Variants in OSBPL1A observed in about 807,000 individuals in gnomAD.
OSBPL1A encodes the protein oxysterol-binding protein-related protein 1.
A neutral mutation model predicts 137.1 loss-of-function variants in OSBPL1A; 80 were observed. The ratio of observed to expected loss-of-function variants is 0.58; its 90% CI spans 0.49 to 0.70. The LOEUF (loss-of-function observed/expected upper bound fraction) is 0.70, where lower values mean the gene tolerates loss of function less well. Ranked by LOEUF, OSBPL1A falls within the 30% of genes least tolerant of loss-of-function variation. The probability of loss-of-function intolerance (pLI) is 0.00; values close to 1 mark genes in which losing one functional copy is unlikely to be tolerated. For missense variants in OSBPL1A, 970 were observed against 1,129.4 expected, an observed-to-expected ratio of 0.86 and a Z score of 2.02; for synonymous variants, 365 against 389.7, an observed-to-expected ratio of 0.94 and a Z score of 0.75.
intron 21 of OSBPL1A, among the ~76,000 whole-genome samples, chr18:24,174,786 T>C (rs1272978522): frequency 6.6e-6 from 1 of 152,058 alleles, no homozygotes; most frequent in Non-Finnish European, 1.5e-5. Context: ...TATTTATTTT[T>C]TTTTAGAGAT....
At chr18:24,217,800 G>A (rs1487055478) in intron 17 of OSBPL1A, among the ~76,000 whole-genome samples, 2 of 152,138 alleles carry the variant, frequency 1.3e-5, no homozygotes, top group African/African-American at 4.8e-5. Context: ...TCTGATTGAT[G>A]TCATAGGAAG....
rs1191695743 is a variant in OSBPL1A, at chr18:24,163,208, T to A, written c.2824A>T (p.Asn942Tyr). 1 of 1,612,954 alleles carries A rather than the reference T, an allele frequency of 6.2e-7. No individual in the cohort carries two copies. The highest frequency in any genetic ancestry group is 2.2e-5 in the East Asian group (1 of 44,844). Reference sequence around the variant, plus strand: ...TAAATGTCAGGCAAATTGAAGTAATTTCTGTCCCAGTAGCTGCCAGAGTAA... The same window carrying A: ...TAAATGTCAGGCAAATTGAAGTAATATCTGTCCCAGTAGCTGCCAGAGTAA... The part of the protein sequence containing the change: ...WIYSGSYWDR[N>Y]YFNLPDIY Residue 942 changes from asparagine (N) to tyrosine (Y), a missense_variant, in exon 28 of 28, where the codon AAT (asparagine) becomes TAT (tyrosine). Around this residue, in one of 2 missense-constraint regions of OSBPL1A, gnomAD observed 323 missense variants for 456.8 expected, o/e 0.71. Coordinates refer to ENST00000319481, the MANE Select transcript of OSBPL1A (RefSeq NM_080597.4).
intron 16 of OSBPL1A, among the ~76,000 whole-genome samples, chr18:24,236,091 A>G (rs1323177130): frequency 2.6e-5 from 4 of 152,170 alleles, no homozygotes; most frequent in African/African-American, 9.7e-5. Context: ...CCCTGTGGAC[A>G]CCTTGATGTT....
intron 7 of OSBPL1A, among the ~76,000 whole-genome samples, chr18:24,319,050 A>G (rs2090793202): frequency 6.6e-6 from 1 of 152,242 alleles, no homozygotes; most frequent in Non-Finnish European, 1.5e-5. Context: ...GAACTCATAA[A>G]TTTGTGGCTT....
intron 15 of OSBPL1A, among the ~76,000 whole-genome samples, chr18:24,245,097 A>ATT (rs879776193): frequency 6.8e-6 from 1 of 147,924 alleles, no homozygotes; most frequent in Non-Finnish European, 1.5e-5. Context: ...AAATATTAGA[A>ATT]TTTTTTTTTT....
intron 4 of OSBPL1A, chr18:24,358,501 T>C (rs1351885715): frequency 1.4e-6 from 1 of 702,394 alleles, no homozygotes. Flanking sequence ...TCAGCTTCCC[T>C]GAGAACAGAT....
chr18:24,237,764 G>A (rs970920178), intron 16 of OSBPL1A, among the ~76,000 whole-genome samples: 10 of 152,180 alleles, frequency 6.6e-5, no homozygotes, highest in African/African-American at 1.9e-4. Context: ...CCTGGCACAA[G>A]GTGGACGTGT....
intron 15 of OSBPL1A, among the ~76,000 whole-genome samples, chr18:24,269,689 T>G (rs1391507916): frequency 6.6e-6 from 1 of 152,166 alleles, no homozygotes; most frequent in Non-Finnish European, 1.5e-5. Context: ...ATATAACTCA[T>G]GCAAAATTAA....
At chr18:24,383,748 G>A (rs1436979056) in intron 1 of OSBPL1A, among the ~76,000 whole-genome samples, 4 of 152,216 alleles carry the variant, frequency 2.6e-5, no homozygotes, top group Middle Eastern at 3.4e-3. Context: ...GCAAGACTCC[G>A]TCTCAAAAAA....
At chr18:24,201,744 C>T (rs1260307083) in intron 17 of OSBPL1A, among the ~76,000 whole-genome samples, 2 of 151,362 alleles carry the variant, frequency 1.3e-5, no homozygotes, top group Non-Finnish European at 2.9e-5. Context: ...ACCTGGGCAA[C>T]AGACCAAGAG....
chr18:24,235,345 A>G (rs1033666237), intron 16 of OSBPL1A, among the ~76,000 whole-genome samples: 2 of 152,210 alleles, frequency 1.3e-5, no homozygotes, highest in Non-Finnish European at 2.9e-5. Context: ...AATTCTTTGC[A>G]ATGATCCTAT....
intron 15 of OSBPL1A, among the ~76,000 whole-genome samples, chr18:24,249,722 C>T (rs536182077): frequency 6.6e-6 from 1 of 152,308 alleles, no homozygotes; most frequent in Non-Finnish European, 1.5e-5. Flanking sequence ...CCAGCCCTAG[C>T]CAGAGAATCA....
intron 9 of OSBPL1A, among the ~76,000 whole-genome samples, chr18:24,318,313 G>A (rs906545783): frequency 4.6e-5 from 7 of 151,828 alleles, no homozygotes; most frequent in Non-Finnish European, 5.9e-5. Flanking sequence ...GCACGGTGGC[G>A]GGCGCCTATA....
intron 15 of OSBPL1A, among the ~76,000 whole-genome samples, chr18:24,244,101 T>C (rs565985881): frequency 6.6e-6 from 1 of 152,334 alleles, no homozygotes; most frequent in Non-Finnish European, 1.5e-5. Flanking sequence ...TGCAACTTCA[T>C]AAAATATTCA....
intron 15 of OSBPL1A, among the ~76,000 whole-genome samples, chr18:24,240,373 A>G (rs917785666): frequency 3.3e-5 from 5 of 152,226 alleles, no homozygotes; most frequent in Non-Finnish European, 7.3e-5. Flanking sequence ...CTCCTGTCTA[A>G]TGCAGCAGTA....
intron 15 of OSBPL1A, among the ~76,000 whole-genome samples, chr18:24,278,984 C>T (rs1349986075): frequency 6.6e-6 from 1 of 151,990 alleles, no homozygotes; most frequent in Non-Finnish European, 1.5e-5. Flanking sequence ...ATTATGTTTT[C>T]CTGTGATAGT....
intron 18 of OSBPL1A, among the ~76,000 whole-genome samples, chr18:24,194,831 G>T (rs866332557): frequency 6.6e-6 from 1 of 152,198 alleles, no homozygotes; most frequent in South Asian, 2.1e-4. Context: ...GCCAGGAAGC[G>T]GGAGAGCGGG....
At chr18:24,375,909 G>T (rs999028763) in intron 2 of OSBPL1A, among the ~76,000 whole-genome samples, 6 of 152,082 alleles carry the variant, frequency 3.9e-5, no homozygotes, top group African/African-American at 1.4e-4. Flanking sequence ...GGACCCTCGC[G>T]GTGAGTGTTA....
intron 1 of OSBPL1A, among the ~76,000 whole-genome samples, chr18:24,395,792 T>C (rs893984656): frequency 2.6e-5 from 4 of 151,726 alleles, no homozygotes; most frequent in Non-Finnish European, 4.4e-5. Context: ...CGGCTAATTT[T>C]TGTATTTTTA....
Sources: gnomAD v4.1 joint callset for allele counts (sites outside exome capture counted in the v4.1 genomes callset) on GRCh38, gnomAD v4.1.1 for gene constraint, gnomAD v4.1.1 regional missense constraint, MANE v1.5 for transcripts, NCBI Gene and HGNC (gene_info 2026-07-23, HGNC 2026-07-21) for gene names.